The following ABHD17B variants were observed in gnomAD, a reference collection of about 807,000 sequenced individuals.
The protein encoded by ABHD17B is alpha/beta hydrolase domain-containing protein 17B.
A neutral mutation model predicts 26.2 loss-of-function variants in ABHD17B; 9 were observed. The observed-to-expected ratio is 0.34, with a 90% CI of 0.21 to 0.60. ABHD17B has a LOEUF of 0.60. Among genes scored for constraint, ABHD17B ranks in the 20% least tolerant of loss-of-function variants. ABHD17B has a pLI of 0.80. For missense variants in ABHD17B, 224 were observed against 352.1 expected (o/e 0.64, Z 2.91); for synonymous variants, 127 against 122.3 (o/e 1.04, Z -0.25).
intron 1 of ABHD17B, 87 bp downstream of exon 1, chr9:71,910,547 C>G (rs982913459): frequency 6.6e-6 from 1 of 151,520 alleles, no homozygotes; most frequent in Admixed American, 6.6e-5. Flanking sequence ...CCGGCCCGGG[C>G]TCGTCCCTCC....
downstream of ABHD17B, among the ~76,000 whole-genome samples, chr9:71,863,981 T>G (rs958290986): frequency 1.3e-5 from 2 of 152,154 alleles, no homozygotes; most frequent in African/African-American, 4.8e-5. Context: ...TTGTGTATCA[T>G]TTTCCCATGA....
intron 3 of ABHD17B, among the ~76,000 whole-genome samples, chr9:71,868,579 TG>T (rs1266167580): frequency 1.3e-5 from 2 of 152,350 alleles, no homozygotes; most frequent in African/African-American, 2.4e-5. Context: ...AGGCTGCATT[TG>T]GTAAGAATAA....
chr9:71,903,800 C>T (rs1229234837), intron 1 of ABHD17B, among the ~76,000 whole-genome samples: 2 of 151,926 alleles, frequency 1.3e-5, no homozygotes, highest in African/African-American at 2.4e-5. Flanking sequence ...AATTATAGAC[C>T]GTAATAAATG....
chr9:71,867,563 T>A (rs745462370), intron 3 of ABHD17B, among the ~76,000 whole-genome samples: 1 of 152,186 alleles, frequency 6.6e-6, no homozygotes, highest in Non-Finnish European at 1.5e-5. Flanking sequence ...GGCAGATAGA[T>A]GGTAAAGTGA....
intron 1 of ABHD17B, among the ~76,000 whole-genome samples, chr9:71,879,320 A>C (rs975127309): frequency 6.6e-6 from 1 of 152,252 alleles, no homozygotes; most frequent in Non-Finnish European, 1.5e-5. Flanking sequence ...CTAAAAATCC[A>C]GAACAAAAAC....
At chr9:71,908,580 C>T (rs1827354099) in intron 1 of ABHD17B, among the ~76,000 whole-genome samples, 1 of 151,982 alleles carries the variant, frequency 6.6e-6, no homozygotes, top group Non-Finnish European at 1.5e-5. Context: ...GTAAATAAAC[C>T]AACCAATAAA....
At chr9:71,900,786 A>C (rs1827113978) in intron 1 of ABHD17B, among the ~76,000 whole-genome samples, 1 of 151,698 alleles carries the variant, frequency 6.6e-6, no homozygotes, top group Non-Finnish European at 1.5e-5. Flanking sequence ...AGCCTCTCTC[A>C]CTCACCATCT....
chr9:71,878,070 C>G (rs1017600734), intron 1 of ABHD17B, among the ~76,000 whole-genome samples: 3 of 150,352 alleles, frequency 2.0e-5, no homozygotes, highest in Non-Finnish European at 3.0e-5. Flanking sequence ...AAACTATAAA[C>G]AAAACAAATA....
intron 1 of ABHD17B, chr9:71,902,344 C>T (rs1827168043): frequency 6.6e-6 from 1 of 152,130 alleles, no homozygotes; most frequent in Non-Finnish European, 1.5e-5. Flanking sequence ...AGCCATTACC[C>T]TAGGGGTTTG....
chr9:71,888,623 T>TA (rs1414615764), intron 1 of ABHD17B, among the ~76,000 whole-genome samples: 2 of 152,126 alleles, frequency 1.3e-5, no homozygotes, highest in African/African-American at 2.4e-5. Context: ...AATCTTTTTT[T>TA]AAAAAGAGGT....
intron 1 of ABHD17B, among the ~76,000 whole-genome samples, chr9:71,910,201 C>T (rs532621060): frequency 1.3e-5 from 2 of 152,246 alleles, no homozygotes; most frequent in South Asian, 4.2e-4. Flanking sequence ...TTTAGGCACC[C>T]GCGAATCTCT....
intron 1 of ABHD17B, among the ~76,000 whole-genome samples, chr9:71,889,267 A>T (rs2132174503): frequency 6.6e-6 from 1 of 151,564 alleles, no homozygotes; most frequent in Non-Finnish European, 1.5e-5. Context: ...CAGTGAGCCG[A>T]GATTGCACCA....
Position 71,910,651 on chromosome 9 carries a change from G to A in ABHD17B, c.-21C>T, listed in dbSNP as rs1827438650. 1 of 152,086 alleles carries A rather than the reference G, an allele frequency of 6.6e-6. No individual in the cohort carries two copies. The highest frequency in any genetic ancestry group is 2.4e-5 in the African/African-American group (1 of 41,420). 9.4% of individuals were successfully genotyped at this position (152,086 alleles called of 1,614,324 possible). ...GCACGCACCTGCACCTGAGCGGCCC[G>A]GGCCGAAGCGCCGGGCAGAAGGGGT... On this transcript the variant is annotated 5_prime_UTR_variant, in exon 1 of 4. Coordinates refer to ENST00000333421, the MANE Select transcript of ABHD17B (RefSeq NM_001025780.3).
At position 71,865,685 on chromosome 9, in the gene ABHD17B, AC is replaced by A. The variant is rs1388664234; in HGVS notation, c.*1101del. 1 of 679,608 alleles carries A rather than the reference AC, an allele frequency of 1.5e-6. No homozygotes were observed. Among genetic ancestry groups the A allele is most frequent in the Non-Finnish European group, 1.8e-6 (1 of 551,250 alleles). The allele number at this position is 679,608 out of a possible 1,614,324, so 42.1% of individuals were successfully genotyped here. On this transcript the variant is annotated 3_prime_UTR_variant, in exon 4 of 4. Transcript: ENST00000333421. ...AGACCAGCCTGATCAACATGGCAAA[AC>A]CCTGTCTCTACTAAAAATACAAAAA...
At chr9:71,870,479 T>C (rs1302060718) in intron 2 of ABHD17B, among the ~76,000 whole-genome samples, 2 of 152,234 alleles carry the variant, frequency 1.3e-5, no homozygotes, top group Non-Finnish European at 2.9e-5. Context: ...TTTGGAAGAA[T>C]AATTGCTGAG....
At chr9:71,872,399 G>C (rs1826139057) in intron 2 of ABHD17B, among the ~76,000 whole-genome samples, 1 of 151,866 alleles carries the variant, frequency 6.6e-6, no homozygotes, top group African/African-American at 2.4e-5. Flanking sequence ...TCTTCAAATT[G>C]GTAAATGCCA....
chr9:71,877,957 T>TG (rs1392094439), intron 1 of ABHD17B, among the ~76,000 whole-genome samples: 5 of 152,250 alleles, frequency 3.3e-5, no homozygotes, highest in South Asian at 2.1e-4. Flanking sequence ...GACAACAACT[T>TG]GCAAATGATC....
Position 71,874,946 on chromosome 9 carries a change from A to G in ABHD17B, c.135T>C (p.Arg45=), listed in dbSNP as rs765514274. 2.2e-5 allele frequency: 35 copies of G among 1,614,222 alleles called. No individual in the cohort carries two copies. Among genetic ancestry groups the G allele is most frequent in the Non-Finnish European group, 2.8e-5 (33 of 1,180,036 alleles). The change falls in exon 2 of 4, where the codon CGT becomes CGC. Residue 45 remains arginine (R), a synonymous_variant. Coordinates refer to ENST00000333421, the MANE Select transcript of ABHD17B (RefSeq NM_001025780.3). The part of the protein sequence containing the change: ...YTLMCDESGS[R]WTLHLSERAD... ...CTCGTTCAGACAGATGTAAAGTCCAACGGCTTCCGCTTTCATCACACATCA... is the reference window on the plus strand; with the variant it reads ...CTCGTTCAGACAGATGTAAAGTCCAGCGGCTTCCGCTTTCATCACACATCA...
intron 1 of ABHD17B, among the ~76,000 whole-genome samples, chr9:71,876,812 G>C (rs926494334): frequency 1.3e-5 from 2 of 152,090 alleles, no homozygotes; most frequent in Non-Finnish European, 2.9e-5. Flanking sequence ...AAAAAGCACA[G>C]GAAGAGAGGA....
Sources: gnomAD v4.1 joint callset for allele counts (sites outside exome capture counted in the v4.1 genomes callset) on GRCh38, gnomAD v4.1.1 for gene constraint, MANE v1.5 for transcripts, NCBI Gene and HGNC (gene_info 2026-07-23, HGNC 2026-07-21) for gene names.